PCBP3: variants seen among roughly 807,000 people sequenced by gnomAD.
The protein encoded by PCBP3 is poly(rC) binding protein 3.
In PCBP3, 25 loss-of-function variants were observed where a neutral mutation model predicts 52.7. That is an observed-to-expected ratio of 0.47 (90% CI 0.35 to 0.66). PCBP3 has a LOEUF of 0.66. PCBP3 is among the 30% of genes least tolerant of loss of function. The pLI is 0.01. For synonymous variants in PCBP3, 162 were observed against 183.0 expected (o/e 0.89, Z 0.93); for missense variants, 391 against 490.3 (o/e 0.80, Z 1.91).
rs2080574625 is a variant in PCBP3 at position 45,663,750 on chromosome 21, C to G, written c.-278-5124C>G. Among the ~76,000 whole-genome samples, 4 of 152,048 alleles carry G rather than the reference C, an allele frequency of 2.6e-5. No individual in the cohort carries two copies. In the South Asian group the frequency reaches 8.3e-4, roughly 32 times the overall value. On this transcript the variant is annotated intron_variant, in intron 1 of 17. Transcript: ENST00000681687. ...TTGATCTATGTGTCTCTTTTAATACCAGTACCATTCTGTTTTGGTTACTGT... is the reference window on the plus strand; with the variant it reads ...TTGATCTATGTGTCTCTTTTAATACGAGTACCATTCTGTTTTGGTTACTGT...
At chr21:45,909,238 G>T (rs1168604219) in intron 9 of PCBP3, 117 bp from the exon 10 acceptor site, 2 of 1,119,064 alleles carry the variant, frequency 1.8e-6, no homozygotes, top group African/African-American at 3.1e-5. Context: ...CCTCGGCTGT[G>T]CATGACAGGG....
intron 2 of PCBP3, among the ~76,000 whole-genome samples, chr21:45,713,846 C>G (rs1435198762): frequency 6.6e-6 from 1 of 152,222 alleles, no homozygotes; most frequent in Non-Finnish European, 1.5e-5. Flanking sequence ...TGTCTTGGCC[C>G]TGCTTCTGAT....
intron 5 of PCBP3, among the ~76,000 whole-genome samples, chr21:45,891,225 G>T (rs774422519): frequency 1.3e-5 from 2 of 152,186 alleles, no homozygotes; most frequent in African/African-American, 2.4e-5. Context: ...TGCTGCTTCC[G>T]CAGGATCCAA....
intron 13 of PCBP3, among the ~76,000 whole-genome samples, chr21:45,925,990 A>G (rs984858947): frequency 6.6e-6 from 1 of 152,238 alleles, no homozygotes; most frequent in African/African-American, 2.4e-5. Flanking sequence ...CCACAGCTGT[A>G]GAATTCATGG....
At chr21:45,665,990 T>A (rs772281430) in intron 1 of PCBP3, among the ~76,000 whole-genome samples, 1 of 152,146 alleles carries the variant, frequency 6.6e-6, no homozygotes, top group Non-Finnish European at 1.5e-5. Flanking sequence ...TAAATGTGAT[T>A]TACCACATAA....
chr21:45,768,687 A>T (rs914501512), intron 4 of PCBP3, among the ~76,000 whole-genome samples: 1 of 152,228 alleles, frequency 6.6e-6, no homozygotes, highest in Non-Finnish European at 1.5e-5. Flanking sequence ...CACTGCATGA[A>T]GCTGATGGCT....
In PCBP3 at chr21:45,853,261, G is replaced by C. The variant is rs1476247204; in HGVS notation, c.10+3166G>C. ...GATGTCGGGGTGGAAGGTGACCTCA[G>C]TGCCCCTGCCTAGAAGAGTGAAAAC... On this transcript the variant is annotated intron_variant, in intron 5 of 17. Coordinates refer to ENST00000681687, the MANE Select transcript of PCBP3 (RefSeq NM_001384156.1). The surrounding 1 kb of genome is among the most constrained non-coding windows in gnomAD (Gnocchi z 4.6). Among the ~76,000 whole-genome samples, 1 of 152,216 alleles carries C rather than the reference G, an allele frequency of 6.6e-6. No individual in the cohort carries two copies. Among genetic ancestry groups the C allele is most frequent in the Non-Finnish European group, 1.5e-5 (1 of 68,038 alleles).
chr21:45,703,250 G>A (rs1307491469), intron 2 of PCBP3, among the ~76,000 whole-genome samples: 1 of 152,186 alleles, frequency 6.6e-6, no homozygotes. Context: ...CATCGAGAAC[G>A]GTGAATGCCT....
rs2148366917 is a variant in PCBP3, at chr21:45,724,335, G to A, written c.-199-11057G>A. Among the ~76,000 whole-genome samples, 1 of 151,850 alleles carries A rather than the reference G, an allele frequency of 6.6e-6. No homozygotes were observed. Among genetic ancestry groups the A allele is most frequent in the East Asian group, 1.9e-4 (1 of 5,132 alleles). On this transcript the variant is annotated intron_variant, in intron 2 of 17. Coordinates refer to ENST00000681687, the MANE Select transcript of PCBP3 (RefSeq NM_001384156.1). This position sits in a 1 kb window ranked among gnomAD's most constrained non-coding sequence, Gnocchi z 5.3. ...CCCTCCCGGTGTTACCCTGAGTTAT[G>A]AGAATGCAGTCTTTGGAAGTGGTGG...
intron 4 of PCBP3, among the ~76,000 whole-genome samples, chr21:45,758,963 T>C (rs1463750180): frequency 1.3e-5 from 2 of 152,216 alleles, no homozygotes; most frequent in African/African-American, 4.8e-5. Flanking sequence ...TAATGTATGG[T>C]TTTTCATTTT....
chr21:45,694,375 A>C (rs1410643785), intron 2 of PCBP3, among the ~76,000 whole-genome samples: 1 of 152,198 alleles, frequency 6.6e-6, no homozygotes, highest in Non-Finnish European at 1.5e-5. Flanking sequence ...AGTAGACGAG[A>C]AAAATCTATA....
intron 6 of PCBP3, 137 bp from the exon 7 acceptor site, chr21:45,899,462 C>T (rs1248873300): frequency 4.5e-6 from 3 of 660,128 alleles, no homozygotes; most frequent in African/African-American, 1.8e-5. Context: ...CTGAATTCTC[C>T]CTTCTTCATG....
chr21:45,840,245 G>T (rs2093671081), intron 4 of PCBP3, among the ~76,000 whole-genome samples: 1 of 151,716 alleles, frequency 6.6e-6, no homozygotes, highest in Admixed American at 6.6e-5. Context: ...AAGGTCAGGA[G>T]ATCAAGACCA....
chr21:45,659,244 T>C (rs1165078580), intron 1 of PCBP3, among the ~76,000 whole-genome samples: 1 of 151,924 alleles, frequency 6.6e-6, no homozygotes, highest in Non-Finnish European at 1.5e-5. Context: ...GAGATATTTC[T>C]CTTTTAACAT....
At chr21:45,759,089 A>C (rs915101310) in intron 4 of PCBP3, among the ~76,000 whole-genome samples, 5 of 152,162 alleles carry the variant, frequency 3.3e-5, no homozygotes, top group African/African-American at 1.2e-4. Flanking sequence ...GAATTTGTGC[A>C]TCTATATTCA....
intron 6 of PCBP3, among the ~76,000 whole-genome samples, chr21:45,897,364 CT>C (rs2095860004): frequency 6.6e-6 from 1 of 152,220 alleles, no homozygotes; most frequent in Admixed American, 6.5e-5. Context: ...GCAGTCGGCA[CT>C]TTCTGCACAG....
At chr21:45,820,921 C>T (rs765560217) in intron 4 of PCBP3, among the ~76,000 whole-genome samples, 2 of 152,102 alleles carry the variant, frequency 1.3e-5, no homozygotes, top group African/African-American at 2.4e-5. Flanking sequence ...GATACAGCCT[C>T]GAGAGGACAG....
At chr21:45,695,284 G>C (rs1339413642) in intron 2 of PCBP3, among the ~76,000 whole-genome samples, 1 of 152,194 alleles carries the variant, frequency 6.6e-6, no homozygotes, top group Non-Finnish European at 1.5e-5. Context: ...TGTCAGCAGA[G>C]GGTGCTGGAG....
intron 4 of PCBP3, chr21:45,761,702 G>T (rs1432407453): frequency 6.6e-6 from 1 of 152,478 alleles, no homozygotes; most frequent in Non-Finnish European, 1.5e-5. Context: ...GGGTGTGGTT[G>T]GTCTCTGGTG....
Sources: allele counts gnomAD v4.1 joint callset (sites outside exome capture counted in the v4.1 genomes callset), GRCh38; gene constraint gnomAD v4.1.1; non-coding constraint Gnocchi (gnomAD v3.1); transcripts MANE v1.5; gene names NCBI Gene and HGNC (gene_info 2026-07-23, HGNC 2026-07-21).